The following FSTL5 variants were observed in gnomAD, a reference collection of about 807,000 sequenced individuals.
The protein encoded by FSTL5 is follistatin like 5, also known as follistatin-related protein 5.
In FSTL5, 62 loss-of-function variants were observed where a neutral mutation model predicts 89.1. That is an observed-to-expected ratio of 0.70 (90% CI 0.57 to 0.86). The LOEUF (loss-of-function observed/expected upper bound fraction) is 0.86, where lower values mean the gene tolerates loss of function less well. Ranked by LOEUF, FSTL5 falls within the 40% of genes least tolerant of loss-of-function variation. The pLI, the probability that FSTL5 is intolerant of heterozygous loss-of-function variation, is 0.00. For missense variants in FSTL5, 1,057 were observed against 1,001.6 expected (o/e 1.06, Z -0.75); for synonymous variants, 383 against 346.2 (o/e 1.11, Z -1.18).
At chr4:161,783,753 T>A (rs867713771) in intron 4 of FSTL5, among the ~76,000 whole-genome samples, 1 of 121,408 alleles carries the variant, frequency 8.2e-6, no homozygotes, top group Non-Finnish European at 1.7e-5. Flanking sequence ...TCTTTCTTTC[T>A]TTCTTTCCTT....
At chr4:161,772,673 T>A (rs1741250004) in intron 5 of FSTL5, among the ~76,000 whole-genome samples, 1 of 151,980 alleles carries the variant, frequency 6.6e-6, no homozygotes, top group South Asian at 2.1e-4. Context: ...AAACTACAAA[T>A]CACTACTGAA....
At position 161,423,197 on chromosome 4, in the gene FSTL5, C is replaced by G. The variant is rs75311329; in HGVS notation, c.1841+31807G>C. 3.5e-3 allele frequency among the ~76,000 whole-genome samples: 531 copies of G among 152,216 alleles called. 13 individuals carry two copies. The East Asian group carries it at 0.055, about 16-fold the overall frequency. On this transcript the variant is annotated intron_variant, in intron 15 of 15. Transcript: ENST00000306100. ...ATTTCCCTCATATGGAAAGTTCTTT[C>G]CAAGTTCATGACTTGACTAGTAAAA...
intron 4 of FSTL5, among the ~76,000 whole-genome samples, chr4:161,815,782 TA>T (rs1297546746): frequency 6.6e-6 from 1 of 152,202 alleles, no homozygotes; most frequent in African/African-American, 2.4e-5. Context: ...ATATATTTTC[TA>T]TATGTATAAT....
chr4:161,776,976 C>A (rs2126805061), intron 4 of FSTL5, among the ~76,000 whole-genome samples: 1 of 151,914 alleles, frequency 6.6e-6, no homozygotes, highest in South Asian at 2.1e-4. Flanking sequence ...TTCCTTCTAA[C>A]TGTATTTTGT....
chr4:162,010,582 GTC>G (rs1011349956), intron 3 of FSTL5, among the ~76,000 whole-genome samples: 1 of 151,996 alleles, frequency 6.6e-6, no homozygotes. Context: ...CCCATTAGCA[GTC>G]TCTCTCTCTC....
chr4:161,835,428 G>A, intron 4 of FSTL5, among the ~76,000 whole-genome samples: 1 of 152,006 alleles, frequency 6.6e-6, no homozygotes, highest in East Asian at 1.9e-4. Flanking sequence ...AAAAGTAATG[G>A]CAACAAAAGC....
chr4:161,813,624 T>C (rs1416849497), intron 4 of FSTL5, among the ~76,000 whole-genome samples: 1 of 152,206 alleles, frequency 6.6e-6, no homozygotes, highest in Admixed American at 6.5e-5. Context: ...GTGTGTTGTA[T>C]CGCCACAGGC....
intron 4 of FSTL5, among the ~76,000 whole-genome samples, chr4:161,895,591 T>TTTGATGCTATGAATGATA (rs1213276679): frequency 6.6e-6 from 1 of 152,170 alleles, no homozygotes; most frequent in Non-Finnish European, 1.5e-5. Flanking sequence ...CAGTTGTAGT[T>TTTGATGCTATGAATGATA]TTGATGCTAT....
At chr4:161,669,125 A>T (rs530367561) in intron 6 of FSTL5, among the ~76,000 whole-genome samples, 47 of 145,020 alleles carry the variant, frequency 3.2e-4, no homozygotes, top group Admixed American at 2.5e-3. Flanking sequence ...AAAAAAAAAA[A>T]AATAAAATAA....
At chr4:161,894,325 T>C (rs1420358693) in intron 4 of FSTL5, among the ~76,000 whole-genome samples, 1 of 152,158 alleles carries the variant, frequency 6.6e-6, no homozygotes, top group Non-Finnish European at 1.5e-5. Flanking sequence ...TATGTAATTT[T>C]AGTTCATGCT....
rs553512000 is a variant in FSTL5 at position 161,856,062 on chromosome 4, A to G, written c.409+64342T>C. 2.4e-4 allele frequency among the ~76,000 whole-genome samples: 37 copies of G among 152,244 alleles called. No homozygotes were observed. The East Asian group carries it at 6.6e-3, about 27-fold the overall frequency. ...GCTTATAGTCTTATAGGGATAAAAT[A>G]TAAACCATAATTAGCAATATATCAA... On this transcript the variant is annotated intron_variant, in intron 4 of 15. Transcript: ENST00000306100.
intron 6 of FSTL5, among the ~76,000 whole-genome samples, chr4:161,724,670 A>AGATATCAATCACAT (rs1478992021): frequency 3.3e-5 from 5 of 152,214 alleles, no homozygotes; most frequent in Non-Finnish European, 5.9e-5. Flanking sequence ...TATTCAGTAA[A>AGATATCAATCACAT]GATATCAATC....
chr4:161,679,774 A>C (rs1453476141), intron 6 of FSTL5, among the ~76,000 whole-genome samples: 3 of 151,846 alleles, frequency 2.0e-5, no homozygotes, highest in Admixed American at 2.0e-4. Flanking sequence ...GACAATATTA[A>C]TTGATCACAT....
rs544350866 is a variant in FSTL5, at chr4:161,922,336, T to G, written c.161-1684A>C. Among the ~76,000 whole-genome samples the G allele has an allele frequency of 2.0e-5, 3 of 152,144 alleles. No homozygotes were observed. The East Asian group carries it at 5.8e-4, about 29-fold the overall frequency. ...TCACTGAAATATTTTAATACCTGAGTGATGAAATAATCTGTATAATAAACT... is the reference window on the plus strand; with the variant it reads ...TCACTGAAATATTTTAATACCTGAGGGATGAAATAATCTGTATAATAAACT... On this transcript the variant is annotated intron_variant, in intron 3 of 15. Transcript: ENST00000306100.
chr4:161,841,914 T>C (rs777557100), intron 4 of FSTL5, among the ~76,000 whole-genome samples: 18 of 152,232 alleles, frequency 1.2e-4, no homozygotes, highest in Non-Finnish European at 2.1e-4. Context: ...CTGTTCAGAT[T>C]TGAGTGTGTG....
At chr4:161,789,946 C>T (rs942678641) in intron 4 of FSTL5, among the ~76,000 whole-genome samples, 2 of 152,122 alleles carry the variant, frequency 1.3e-5, no homozygotes, top group African/African-American at 2.4e-5. Flanking sequence ...TTTATTGCTA[C>T]ACAAAACAAG....
intron 8 of FSTL5, among the ~76,000 whole-genome samples, chr4:161,559,873 T>C (rs1260814321): frequency 6.6e-6 from 1 of 151,870 alleles, no homozygotes; most frequent in Non-Finnish European, 1.5e-5. Flanking sequence ...AGCTATATGG[T>C]ATAGCCAATA....
intron 1 of FSTL5, among the ~76,000 whole-genome samples, chr4:162,158,161 T>G (rs1483288643): frequency 1.3e-5 from 2 of 152,082 alleles, no homozygotes; most frequent in Non-Finnish European, 2.9e-5. Flanking sequence ...CTTGAAATGG[T>G]CTAAATTTCA....
At chr4:161,561,200 T>TAGAC (rs1732587127) in intron 8 of FSTL5, among the ~76,000 whole-genome samples, 1 of 113,788 alleles carries the variant, frequency 8.8e-6, no homozygotes, top group Non-Finnish European at 2.0e-5. Flanking sequence ...AGATGATAGA[T>TAGAC]AGATAGATAG....
Sources: allele counts gnomAD v4.1 joint callset (sites outside exome capture counted in the v4.1 genomes callset), GRCh38; gene constraint gnomAD v4.1.1; transcripts MANE v1.5; gene names NCBI Gene and HGNC (gene_info 2026-07-23, HGNC 2026-07-21).